KIDINS220: variants seen among roughly 807,000 people sequenced by gnomAD.
KIDINS220 encodes the protein kinase D-interacting substrate of 220 kDa.
A neutral mutation model predicts 157.6 loss-of-function variants in KIDINS220; 63 were observed. The ratio of observed to expected loss-of-function variants is 0.40; its 90% CI spans 0.33 to 0.49. KIDINS220 has a LOEUF of 0.49. Among genes scored for constraint, KIDINS220 ranks in the 20% least tolerant of loss-of-function variants. KIDINS220 has a pLI of 0.66. For missense variants in KIDINS220, 1,772 were observed against 2,171.2 expected, an observed-to-expected ratio of 0.82 and a Z score of 3.65; for synonymous variants, 732 against 783.6, an observed-to-expected ratio of 0.93 and a Z score of 1.10.
At chr2:8,807,622 G>A (rs138431411) in intron 6 of KIDINS220, among the ~76,000 whole-genome samples, 18 of 152,308 alleles carry the variant, frequency 1.2e-4, no homozygotes, top group African/African-American at 4.1e-4. Context: ...TATAAATCAT[G>A]TCAGGCACCA....
At chr2:8,748,860 T>C (rs1279058297) in intron 24 of KIDINS220, among the ~76,000 whole-genome samples, 1 of 152,234 alleles carries the variant, frequency 6.6e-6, no homozygotes, top group African/African-American at 2.4e-5. Context: ...TACATTATTG[T>C]TATTCATGAA....
intron 1 of KIDINS220, among the ~76,000 whole-genome samples, chr2:8,829,381 G>A (rs1464043762): frequency 6.6e-6 from 1 of 152,018 alleles, no homozygotes; most frequent in African/African-American, 2.4e-5. Flanking sequence ...ATACTCTTGG[G>A]GTGAAAAACT....
chr2:8,743,292 A>T (rs1390366813), intron 26 of KIDINS220, among the ~76,000 whole-genome samples: 1 of 152,224 alleles, frequency 6.6e-6, no homozygotes, highest in Non-Finnish European at 1.5e-5. Flanking sequence ...ATGAATCTAA[A>T]CTGATTGGAG....
Position 8,776,868 on chromosome 2 carries a change from G to A in KIDINS220, c.2728C>T (p.Gln910Ter). ...GACATCTGGCGAGTGATGGTCCTCT[G>A]CATCTGCCTTCTTCGGTAAGTGTCC... The part of the protein sequence containing the change: ...RRDTYRRRQM[Q>*]RTITRQMSFD... The change falls in exon 21 of 30, where the codon CAG (glutamine) becomes TAG (stop). Residue 910 changes from glutamine to a stop codon, truncating the protein, a stop_gained. Coordinates refer to ENST00000256707, the MANE Select transcript of KIDINS220 (RefSeq NM_020738.4). LOFTEE classifies it high-confidence loss of function. 1 of 1,613,800 alleles carries A rather than the reference G, an allele frequency of 6.2e-7. No individual in the cohort carries two copies. The highest frequency in any genetic ancestry group is 8.5e-7 in the Non-Finnish European group (1 of 1,179,880).
At position 8,747,404 on chromosome 2, in the gene KIDINS220, T is replaced by C. The variant is rs189869896; in HGVS notation, c.3529-203A>G. ...TTATCATCAGGAACCTCTAATATTT[T>C]GGGCACAAATGTCTTTCTTAGATTC... On this transcript the variant is annotated intron_variant, in intron 25 of 29. Coordinates refer to ENST00000256707, the MANE Select transcript of KIDINS220 (RefSeq NM_020738.4). 417 of 569,330 alleles carry C rather than the reference T, an allele frequency of 7.3e-4. 4 individuals are homozygous for C. Among genetic ancestry groups the C allele is most frequent in the Non-Finnish European group, 1.1e-3 (346 of 320,670 alleles). The allele number at this position is 569,330 out of a possible 1,614,324, so 35.3% of individuals were successfully genotyped here.
chr2:8,744,019 A>C (rs1346756628), intron 26 of KIDINS220, among the ~76,000 whole-genome samples: 1 of 149,862 alleles, frequency 6.7e-6, no homozygotes, highest in Non-Finnish European at 1.5e-5. Flanking sequence ...TTATAGATAT[A>C]TCCAACTGTT....
intron 6 of KIDINS220, among the ~76,000 whole-genome samples, chr2:8,809,832 A>AT (rs1054909472): frequency 2.6e-5 from 4 of 151,912 alleles, no homozygotes; most frequent in African/African-American, 9.7e-5. Context: ...TTAAACGTTA[A>AT]TTTTTTCTAA....
At chr2:8,750,848 C>T (rs553281143) in intron 23 of KIDINS220, among the ~76,000 whole-genome samples, 6 of 152,232 alleles carry the variant, frequency 3.9e-5, no homozygotes, top group East Asian at 1.9e-4. Flanking sequence ...TAGTTTAAGG[C>T]GATCTCCTCA....
chr2:8,736,707 T>A (rs1288570779), intron 27 of KIDINS220, among the ~76,000 whole-genome samples, 161 bp downstream of exon 27: 3 of 152,240 alleles, frequency 2.0e-5, no homozygotes, highest in African/African-American at 7.2e-5. Context: ...AGGGCAATTT[T>A]AGAATACAAA....
intron 2 of KIDINS220, among the ~76,000 whole-genome samples, chr2:8,819,812 A>G (rs1677645233): frequency 6.6e-6 from 1 of 152,130 alleles, no homozygotes. Context: ...GTGACAGAGC[A>G]AGACTTGTCT....
intron 24 of KIDINS220, among the ~76,000 whole-genome samples, chr2:8,748,557 G>A (rs1042769298): frequency 7.2e-5 from 11 of 151,972 alleles, no homozygotes; most frequent in Non-Finnish European, 1.5e-4. Flanking sequence ...AAAAACGTGG[G>A]GAATCCACTG....
At chr2:8,832,943 T>G (rs185940259) in intron 1 of KIDINS220, among the ~76,000 whole-genome samples, 1 of 152,292 alleles carries the variant, frequency 6.6e-6, no homozygotes, top group East Asian at 1.9e-4. Flanking sequence ...TTATGGGGTA[T>G]GTGTAATATT....
At chr2:8,737,087 T>G in intron 26 of KIDINS220, 88 bp from the exon 27 acceptor site, 1 of 1,289,618 alleles carries the variant, frequency 7.8e-7, no homozygotes, top group Non-Finnish European at 1.1e-6. Context: ...ACTCATTAAG[T>G]TATACCATGA....
chr2:8,764,330 G>A (rs1451452806), intron 22 of KIDINS220, among the ~76,000 whole-genome samples: 1 of 152,014 alleles, frequency 6.6e-6, no homozygotes, highest in Non-Finnish European at 1.5e-5. Context: ...CTAAATCTCA[G>A]AATACACCAC....
At chr2:8,765,615 C>G (rs1262544580) in intron 22 of KIDINS220, among the ~76,000 whole-genome samples, 1 of 152,070 alleles carries the variant, frequency 6.6e-6, no homozygotes, top group Non-Finnish European at 1.5e-5. Context: ...CTTTCAATAC[C>G]CTGCAACAGG....
intron 1 of KIDINS220, among the ~76,000 whole-genome samples, chr2:8,827,922 G>A (rs528296974): frequency 3.5e-4 from 54 of 152,272 alleles, no homozygotes; most frequent in Admixed American, 2.0e-4. Flanking sequence ...GACTCAGCAG[G>A]TCTGAGTGGG....
intron 8 of KIDINS220, 111 bp downstream of exon 8, chr2:8,802,819 A>C (rs1674907198): frequency 1.3e-6 from 1 of 789,752 alleles, no homozygotes; most frequent in African/African-American, 1.7e-5. Flanking sequence ...AAATAAACTT[A>C]TTTTAAAACA....
chr2:8,769,900 A>G (rs181568920), intron 22 of KIDINS220, among the ~76,000 whole-genome samples: 2 of 152,312 alleles, frequency 1.3e-5, no homozygotes, highest in Non-Finnish European at 2.9e-5. Context: ...TTAAACCACT[A>G]AACTACTTTC....
At chr2:8,768,072 T>C (rs1274673043) in intron 22 of KIDINS220, among the ~76,000 whole-genome samples, 1 of 152,190 alleles carries the variant, frequency 6.6e-6, no homozygotes, top group African/African-American at 2.4e-5. Flanking sequence ...TAAAGCACTA[T>C]CTTCATGAAA....
Sources: allele counts gnomAD v4.1 joint callset (sites outside exome capture counted in the v4.1 genomes callset), GRCh38; gene constraint gnomAD v4.1.1; transcripts MANE v1.5; gene names NCBI Gene and HGNC (gene_info 2026-07-23, HGNC 2026-07-21).